The following KCNH7 variants were observed in gnomAD, a reference collection of about 807,000 sequenced individuals.
The protein encoded by KCNH7 is potassium voltage-gated channel subfamily H member 7.
In KCNH7, 49 loss-of-function variants were observed where a neutral mutation model predicts 120.8. The ratio of observed to expected loss-of-function variants is 0.41; its 90% confidence interval spans 0.32 to 0.51. The LOEUF (loss-of-function observed/expected upper bound fraction) is 0.51. KCNH7 is among the 20% of genes least tolerant of loss of function. KCNH7 has a pLI of 0.38. For synonymous variants in KCNH7, 547 were observed against 516.1 expected (o/e 1.06, Z -0.81); for missense variants, 1,097 against 1,446.6 (o/e 0.76, Z 3.92).
At chr2:162,803,424 G>T (rs1169756422) in intron 2 of KCNH7, among the ~76,000 whole-genome samples, 1 of 151,564 alleles carries the variant, frequency 6.6e-6, no homozygotes, top group East Asian at 1.9e-4. Flanking sequence ...TATAACATTG[G>T]ATTTAACTCT....
chr2:162,670,630 G>C (rs188024587), intron 2 of KCNH7, among the ~76,000 whole-genome samples: 3 of 151,938 alleles, frequency 2.0e-5, no homozygotes, highest in Admixed American at 6.5e-5. Flanking sequence ...ACAGTGATAA[G>C]ATTCATACTT....
intron 2 of KCNH7, among the ~76,000 whole-genome samples, chr2:162,718,609 G>T (rs1157866867): frequency 6.6e-6 from 1 of 151,900 alleles, no homozygotes; most frequent in African/African-American, 2.4e-5. Flanking sequence ...GGCTCTGGAA[G>T]AACTTTCAAA....
chr2:162,532,026 G>A (rs1207087215), intron 3 of KCNH7, among the ~76,000 whole-genome samples: 1 of 151,832 alleles, frequency 6.6e-6, no homozygotes, highest in African/African-American at 2.4e-5. Context: ...GATAATGACA[G>A]ATATCTAAAT....
chr2:162,489,306 C>A (rs995585281), intron 6 of KCNH7, among the ~76,000 whole-genome samples: 1 of 151,992 alleles, frequency 6.6e-6, no homozygotes, highest in Non-Finnish European at 1.5e-5. Context: ...CTCTGGGCCA[C>A]ACTGGAAGAA....
chr2:162,834,693 A>T (rs1197810258), intron 2 of KCNH7, among the ~76,000 whole-genome samples: 1 of 152,124 alleles, frequency 6.6e-6, no homozygotes, highest in Non-Finnish European at 1.5e-5. Context: ...TTCTTATTAA[A>T]TTTGTTTTAA....
chr2:162,831,264 C>T lies in KCNH7; in HGVS notation c.307+5273G>A, dbSNP rs182262865. On this transcript the variant is annotated intron_variant, in intron 2 of 15. Coordinates refer to ENST00000332142, the MANE Select transcript of KCNH7 (RefSeq NM_033272.4). ...AAAATTTACTTTCAGTGATTCTTGG[C>T]GCTAATAAGCCATCAGCATAGGTGA... 1.1e-4 allele frequency among the ~76,000 whole-genome samples: 16 copies of T among 152,146 alleles called. No homozygotes were observed. In the South Asian group the frequency reaches 1.5e-3, roughly 14 times the overall value.
intron 6 of KCNH7, among the ~76,000 whole-genome samples, chr2:162,474,885 T>G (rs6715546): frequency 0.21 from 31,381 of 146,780 alleles, 6,080 homozygotes; most frequent in African/African-American, 0.51. Context: ...TTAGGCTGTT[T>G]CTCTGGAGGA....
chr2:162,504,198 C>T (rs1007275729), intron 6 of KCNH7, among the ~76,000 whole-genome samples: 11 of 151,972 alleles, frequency 7.2e-5, no homozygotes, highest in South Asian at 2.1e-4. Flanking sequence ...ACCACCTCTA[C>T]GAAAGTGGGA....
chr2:162,706,161 C>A (rs1015171996), intron 2 of KCNH7, among the ~76,000 whole-genome samples: 3 of 152,092 alleles, frequency 2.0e-5, no homozygotes, highest in African/African-American at 7.2e-5. Flanking sequence ...TGCTTCGTTG[C>A]AGTTTGGATG....
rs1558946565 is a variant in KCNH7 at position 162,441,058 on chromosome 2, ATATCTCTT to A, written c.1554+4952_1554+4959del. Among the ~76,000 whole-genome samples, 386 of 152,236 alleles carry A rather than the reference ATATCTCTT, an allele frequency of 2.5e-3. 1 individual carries two copies. Among genetic ancestry groups the A allele is most frequent in the African/African-American group, 8.6e-3 (359 of 41,560 alleles). On this transcript the variant is annotated intron_variant, in intron 7 of 15. Coordinates refer to ENST00000332142, the MANE Select transcript of KCNH7 (RefSeq NM_033272.4). Reference sequence around the variant, plus strand: ...AAATAATTTTTCCACTGGGGATCTCATATCTCTTAAAAGTCATGCCATACATTTTTAGA... The same window carrying A: ...AAATAATTTTTCCACTGGGGATCTCAAAAAGTCATGCCATACATTTTTAGA...
At chr2:162,804,136 G>A (rs1684447004) in intron 2 of KCNH7, among the ~76,000 whole-genome samples, 1 of 151,668 alleles carries the variant, frequency 6.6e-6, no homozygotes, top group Non-Finnish European at 1.5e-5. Context: ...GAACTATACA[G>A]ATGTATAAAA....
chr2:162,413,762 AC>A (rs1687461145), intron 9 of KCNH7, among the ~76,000 whole-genome samples: 1 of 151,914 alleles, frequency 6.6e-6, no homozygotes, highest in Non-Finnish European at 1.5e-5. Context: ...ATAAAAGTTG[AC>A]CAATTAGATA....
At position 162,484,760 on chromosome 2, in the gene KCNH7, A is replaced by G. The variant is rs1483187462; in HGVS notation, c.1128+19683T>C. On this transcript the variant is annotated intron_variant, in intron 6 of 15. Coordinates refer to ENST00000332142, the MANE Select transcript of KCNH7 (RefSeq NM_033272.4). ...ATGGTAATGAGTGAATTCTTGCTCT[A>G]TTCATTCCCATGAGAGCTGATTGTT... 1.3e-5 allele frequency among the ~76,000 whole-genome samples: 2 copies of G among 152,120 alleles called. 1 individual carries two copies. Among genetic ancestry groups the G allele is most frequent in the East Asian group, 3.9e-4 (2 of 5,176 alleles).
intron 10 of KCNH7, among the ~76,000 whole-genome samples, chr2:162,398,310 A>G (rs1269936522): frequency 2.6e-5 from 4 of 151,898 alleles, no homozygotes; most frequent in Non-Finnish European, 4.4e-5. Flanking sequence ...CAAAAATGCT[A>G]TAATATTCTT....
chr2:162,485,188 C>T (rs1183866690), intron 6 of KCNH7, among the ~76,000 whole-genome samples: 3 of 152,156 alleles, frequency 2.0e-5, no homozygotes, highest in Non-Finnish European at 2.9e-5. Context: ...TTTTTCGCTT[C>T]TCTACCTTAG....
chr2:162,450,432 T>A (rs1428254919), intron 6 of KCNH7, among the ~76,000 whole-genome samples: 1 of 152,080 alleles, frequency 6.6e-6, no homozygotes. Flanking sequence ...ATTATGCATG[T>A]TTTATGTGAC....
chr2:162,683,053 G>A (rs1371567192), intron 2 of KCNH7, among the ~76,000 whole-genome samples: 1 of 151,854 alleles, frequency 6.6e-6, no homozygotes. Flanking sequence ...AATAGGAAGT[G>A]CTGAAGCAAG....
intron 6 of KCNH7, among the ~76,000 whole-genome samples, chr2:162,462,388 C>A (rs1018603758): frequency 2.0e-5 from 3 of 151,954 alleles, no homozygotes; most frequent in South Asian, 2.1e-4. Context: ...TGTTTATGTC[C>A]TTTATCGAAT....
chr2:162,799,516 T>G (rs1018005874), intron 2 of KCNH7, among the ~76,000 whole-genome samples: 20 of 151,990 alleles, frequency 1.3e-4, no homozygotes, highest in Admixed American at 1.3e-3. Context: ...AGAATACTGT[T>G]TCATGATCAT....
Sources: gnomAD v4.1 joint callset for allele counts (sites outside exome capture counted in the v4.1 genomes callset) on GRCh38, gnomAD v4.1.1 for gene constraint, MANE v1.5 for transcripts, NCBI Gene and HGNC (gene_info 2026-07-23, HGNC 2026-07-21) for gene names.